Variants in GABRB1 observed in about 807,000 individuals in gnomAD.
GABRB1 encodes gamma-aminobutyric acid receptor subunit beta-1.
GABRB1 carries 17 observed loss-of-function variants against 51.6 expected under a neutral mutation model. The observed-to-expected ratio is 0.33, with a 90% CI of 0.23 to 0.49. The LOEUF is 0.49. GABRB1 is among the 20% of genes least tolerant of loss of function. GABRB1 has a pLI of 0.99. For missense variants in GABRB1, 410 were observed against 600.6 expected, an observed-to-expected ratio of 0.68 and a Z score of 3.32; for synonymous variants, 247 against 218.9, an observed-to-expected ratio of 1.13 and a Z score of -1.14.
intron 4 of GABRB1, among the ~76,000 whole-genome samples, chr4:47,306,378 C>T (rs959117277): frequency 1.4e-5 from 2 of 144,484 alleles, no homozygotes; most frequent in East Asian, 2.0e-4. Context: ...GAAGAAGGTG[C>T]GGGGTAGAGA....
At chr4:47,101,306 T>C (rs978534782) in intron 3 of GABRB1, among the ~76,000 whole-genome samples, 8 of 152,116 alleles carry the variant, frequency 5.3e-5, no homozygotes, top group Admixed American at 1.3e-4. Flanking sequence ...ATGCAAGAAT[T>C]GAATGTGTCA....
chr4:47,285,675 A>G (rs2109914440), intron 4 of GABRB1, among the ~76,000 whole-genome samples: 2 of 152,294 alleles, frequency 1.3e-5, no homozygotes, highest in East Asian at 3.9e-4. Context: ...TTTCCTAACT[A>G]TGTGACATTG....
intron 3 of GABRB1, among the ~76,000 whole-genome samples, chr4:47,142,527 A>ATTCTTT (rs2109696301): frequency 6.6e-6 from 1 of 152,072 alleles, no homozygotes; most frequent in Non-Finnish European, 1.5e-5. Flanking sequence ...TAAGCAAAGA[A>ATTCTTT]GCGACATTAT....
intron 3 of GABRB1, among the ~76,000 whole-genome samples, chr4:47,051,493 TTA>T (rs1726346809): frequency 6.6e-6 from 1 of 152,192 alleles, no homozygotes; most frequent in Non-Finnish European, 1.5e-5. Flanking sequence ...TTTCATTTGA[TTA>T]TATGTTAGTT....
At chr4:47,198,071 C>T (rs770457417) in intron 4 of GABRB1, among the ~76,000 whole-genome samples, 76 of 152,086 alleles carry the variant, frequency 5.0e-4, no homozygotes, top group Non-Finnish European at 5.4e-4. Context: ...AGGTATATTG[C>T]CTGGCAGCAG....
At chr4:47,035,071 T>C (rs1352593971) in intron 3 of GABRB1, among the ~76,000 whole-genome samples, 1 of 152,158 alleles carries the variant, frequency 6.6e-6, no homozygotes, top group Non-Finnish European at 1.5e-5. Context: ...ATTGCTTATA[T>C]TTATGTTTTT....
intron 3 of GABRB1, among the ~76,000 whole-genome samples, chr4:47,037,728 G>A (rs1426383194): frequency 6.6e-6 from 1 of 152,008 alleles, no homozygotes; most frequent in Admixed American, 6.6e-5. Flanking sequence ...CCATATGTGA[G>A]GTATGGTTAT....
At chr4:47,379,237 CTA>C (rs1439661634) in intron 5 of GABRB1, among the ~76,000 whole-genome samples, 4 of 152,126 alleles carry the variant, frequency 2.6e-5, no homozygotes, top group Non-Finnish European at 5.9e-5. Context: ...GCTGAACATA[CTA>C]TACCACAGAT....
chr4:47,029,937 C>T (rs1192221020), upstream of GABRB1, among the ~76,000 whole-genome samples: 1 of 152,188 alleles, frequency 6.6e-6, no homozygotes, highest in East Asian at 1.9e-4. Flanking sequence ...GTCTTGATAT[C>T]TCAAAGGCAA....
rs558382342 is a variant in GABRB1, at chr4:47,231,448, T to C, written c.461+69979T>C. ...AATGATCCTGAAATCCATGGCTCAA[T>C]CACTAAAAGCTGGAAATGTTCTGGT... On this transcript the variant is annotated intron_variant, in intron 4 of 8. Coordinates refer to ENST00000295454, the MANE Select transcript of GABRB1 (RefSeq NM_000812.4). 2.6e-5 allele frequency among the ~76,000 whole-genome samples: 4 copies of C among 152,244 alleles called. No individual in the cohort carries two copies. In the South Asian group the frequency reaches 8.3e-4, roughly 32 times the overall value.
intron 3 of GABRB1, among the ~76,000 whole-genome samples, chr4:47,147,108 T>G (rs1717205498): frequency 6.6e-6 from 1 of 152,044 alleles, no homozygotes. Context: ...TAATATAGTC[T>G]AAAAGTAAGT....
At chr4:47,031,281 C>T (rs899950142), upstream of GABRB1, 3 of 265,938 alleles carry the variant, frequency 1.1e-5, no homozygotes, top group African/African-American at 4.5e-5. Context: ...CACAGGCAGC[C>T]TTAGCCAGAT....
intron 4 of GABRB1, among the ~76,000 whole-genome samples, chr4:47,280,938 C>A (rs1723270434): frequency 6.6e-6 from 1 of 151,726 alleles, no homozygotes; most frequent in Admixed American, 6.6e-5. Context: ...CAGGCATGAG[C>A]CACTGTGCCC....
At chr4:47,293,169 T>C (rs991355250) in intron 4 of GABRB1, among the ~76,000 whole-genome samples, 10 of 152,106 alleles carry the variant, frequency 6.6e-5, no homozygotes, top group African/African-American at 2.4e-4. Context: ...GAGATGGAGT[T>C]TTGCTCTTGT....
intron 3 of GABRB1, among the ~76,000 whole-genome samples, chr4:47,058,574 G>A (rs1726716033): frequency 1.3e-5 from 2 of 152,256 alleles, no homozygotes; most frequent in South Asian, 2.1e-4. Flanking sequence ...TGGGATATTA[G>A]ATTACCCAGG....
Position 47,376,630 on chromosome 4 carries a change from G to C in GABRB1, c.545-26688G>C, listed in dbSNP as rs183422826. The stretch of plus-strand genomic sequence containing the variant: ...CCACTGCACTCCAGCCTGGGCGACT[G>C]AGCGAGACTCCGTCTTAAAAACAAA... On this transcript the variant is annotated intron_variant, in intron 5 of 8. Transcript: ENST00000295454. Among the ~76,000 whole-genome samples, 458 of 152,310 alleles carry C rather than the reference G, an allele frequency of 3.0e-3. 2 individuals carry two copies. Among genetic ancestry groups the C allele is most frequent in the African/African-American group, 0.011 (437 of 41,578 alleles).
intron 4 of GABRB1, among the ~76,000 whole-genome samples, chr4:47,217,385 C>T (rs1370745691): frequency 3.3e-5 from 5 of 151,752 alleles, no homozygotes; most frequent in Non-Finnish European, 4.4e-5. Context: ...ATAGTATTCA[C>T]AACAGAACCC....
At chr4:47,174,856 C>T (rs1231404256) in intron 4 of GABRB1, among the ~76,000 whole-genome samples, 1 of 151,784 alleles carries the variant, frequency 6.6e-6, no homozygotes, top group East Asian at 1.9e-4. Context: ...TCCTCCCTCC[C>T]TCCTTCCCTC....
intron 1 of GABRB1, among the ~76,000 whole-genome samples, chr4:47,001,658 T>C (rs1724222791): frequency 6.6e-6 from 1 of 152,186 alleles, no homozygotes; most frequent in Non-Finnish European, 1.5e-5. Context: ...ATTCCCTGGG[T>C]CTCCAGTCTG....
Sources: gnomAD v4.1 joint callset for allele counts (sites outside exome capture counted in the v4.1 genomes callset) on GRCh38, gnomAD v4.1.1 for gene constraint, MANE v1.5 for transcripts, NCBI Gene and HGNC (gene_info 2026-07-23, HGNC 2026-07-21) for gene names.